SULF1: variants seen among roughly 807,000 people sequenced by gnomAD.
SULF1 encodes the protein extracellular sulfatase Sulf-1.
Under a neutral mutation model 110.5 loss-of-function variants are expected in SULF1, and 46 were observed. The observed-to-expected ratio is 0.42, with a 90% confidence interval of 0.33 to 0.53. SULF1 has a LOEUF of 0.53. Among genes scored for constraint, SULF1 ranks in the 20% least tolerant of loss-of-function variants. The pLI, the probability that SULF1 is intolerant of heterozygous loss-of-function variation, is 0.12. For missense variants in SULF1, 941 were observed against 1,094.2 expected (o/e 0.86, Z 1.98); for synonymous variants, 371 against 387.1 (o/e 0.96, Z 0.49).
At chr8:69,623,917 G>C (rs755910729) in intron 14 of SULF1, 25 bp from the exon 15 acceptor site, 1 of 1,597,466 alleles carries the variant, frequency 6.3e-7, no homozygotes, top group African/African-American at 1.3e-5. Flanking sequence ...GACATCCATA[G>C]TAATGTATCT....
chr8:69,640,148 A>AAGG (rs1365082083), intron 21 of SULF1, among the ~76,000 whole-genome samples: 1 of 151,464 alleles, frequency 6.6e-6, no homozygotes, highest in East Asian at 1.9e-4. Flanking sequence ...GGAAGGAAGG[A>AAGG]AAGAAAGAAA....
At chr8:69,597,537 T>A (rs1482163824) in intron 8 of SULF1, 2 of 152,220 alleles carry the variant, frequency 1.3e-5, no homozygotes, top group Non-Finnish European at 2.9e-5. Context: ...TAAGCCAGAT[T>A]TAACGTATGT....
chr8:69,526,602 A>G (rs1252071038), intron 3 of SULF1, among the ~76,000 whole-genome samples: 2 of 23,652 alleles, frequency 8.5e-5, no homozygotes, highest in Non-Finnish European at 2.1e-4. Flanking sequence ...TCTCTACCAA[A>G]AAAAAAAAAA....
intron 3 of SULF1, among the ~76,000 whole-genome samples, chr8:69,555,518 G>T (rs1815053696): frequency 6.6e-6 from 1 of 152,100 alleles, no homozygotes; most frequent in African/African-American, 2.4e-5. Flanking sequence ...TTAGCCGGGT[G>T]TGGTGGTGCA....
At chr8:69,603,712 C>G in intron 12 of SULF1, 56 bp downstream of exon 12, 2 of 1,178,798 alleles carry the variant, frequency 1.7e-6, no homozygotes, top group Non-Finnish European at 2.5e-6. Flanking sequence ...GCAGCTTTCC[C>G]TGCTGAGTAT....
Position 69,604,808 on chromosome 8 carries a change from T to A in SULF1, c.1253T>A (p.Phe418Tyr), listed in dbSNP as rs1299001048. ...RDTFLVERGKFLRKKEESSKN... is the reference protein window; with the variant it reads ...RDTFLVERGKYLRKKEESSKN... ...CTTTTCCCTTTTTGTCGAAGCAAATTTCTACGTAAGAAGGAAGAATCCAGC... is the reference window on the plus strand; with the variant it reads ...CTTTTCCCTTTTTGTCGAAGCAAATATCTACGTAAGAAGGAAGAATCCAGC... The change falls in exon 13 of 23, where the codon TTT becomes TAT. Residue 418 changes from phenylalanine to tyrosine, a missense_variant. Physicochemically the swap from Phe to Tyr is conservative, Grantham distance 22. This residue lies in a region of SULF1 where 822 missense variants were observed against 934.3 expected (regional missense o/e 0.88). Transcript: ENST00000402687. 1 of 1,613,696 alleles carries A rather than the reference T, an allele frequency of 6.2e-7. No individual in the cohort carries two copies. The highest frequency in any genetic ancestry group is 8.5e-7 in the Non-Finnish European group (1 of 1,179,968).
At chr8:69,591,150 A>G (rs1423788753) in intron 8 of SULF1, among the ~76,000 whole-genome samples, 1 of 152,152 alleles carries the variant, frequency 6.6e-6, no homozygotes, top group Non-Finnish European at 1.5e-5. Context: ...GCCTGCAGGA[A>G]AATCAGCCTC....
rs1810032338 is a variant in SULF1 at position 69,492,943 on chromosome 8, A to C, written c.-573A>C. On this transcript the variant is annotated 5_prime_UTR_variant, in exon 1 of 23. Transcript: ENST00000402687. ...AGGCGCAGAGGCCAGGAGCGAGGGC[A>C]GCGAGGATCAGAGGCCAGGCCTTCC... The C allele has an allele frequency of 6.5e-6, 1 of 152,696 alleles. No homozygotes were observed. The highest frequency in any genetic ancestry group is 2.4e-5 in the African/African-American group (1 of 41,472). 9.5% of individuals were successfully genotyped at this position (152,696 alleles called of 1,614,324 possible).
intron 1 of SULF1, among the ~76,000 whole-genome samples, chr8:69,472,191 G>T (rs1372964631): frequency 6.6e-6 from 1 of 152,134 alleles, no homozygotes; most frequent in Non-Finnish European, 1.5e-5. Flanking sequence ...TGCTGTTGGG[G>T]AACAAAGGAC....
intron 1 of SULF1, among the ~76,000 whole-genome samples, chr8:69,486,095 T>G (rs1809695271): frequency 6.6e-6 from 1 of 152,136 alleles, no homozygotes; most frequent in South Asian, 2.1e-4. Flanking sequence ...TCAGAGTCAC[T>G]CCTCAGCTAA....
intron 3 of SULF1, among the ~76,000 whole-genome samples, chr8:69,545,515 C>T (rs186466910): frequency 3.0e-4 from 46 of 152,282 alleles, no homozygotes; most frequent in African/African-American, 1.0e-3. Context: ...GGGACCTGAG[C>T]TTCTTTTCTC....
intron 13 of SULF1, among the ~76,000 whole-genome samples, chr8:69,620,023 C>A (rs958321566): frequency 6.6e-6 from 1 of 152,142 alleles, no homozygotes; most frequent in Non-Finnish European, 1.5e-5. Flanking sequence ...TCAGGTCACA[C>A]ACGGGCTTGA....
chr8:69,623,209 A>C (rs1404693444), intron 14 of SULF1, among the ~76,000 whole-genome samples: 1 of 151,836 alleles, frequency 6.6e-6, no homozygotes, highest in Non-Finnish European at 1.5e-5. Flanking sequence ...AGCATTAACA[A>C]AATTTAATTC....
intron 3 of SULF1, among the ~76,000 whole-genome samples, chr8:69,515,127 C>T (rs1298810452): frequency 6.6e-6 from 1 of 152,202 alleles, no homozygotes; most frequent in Non-Finnish European, 1.5e-5. Flanking sequence ...TGTGGGGACT[C>T]CAATCCCACA....
rs1811262699 is a variant in SULF1 at position 69,639,002 on chromosome 8, A to C, written c.2551+144A>C. 3 of 856,420 alleles carry C rather than the reference A, an allele frequency of 3.5e-6. No individual in the cohort carries two copies. The Admixed American group carries it at 9.3e-5, about 27-fold the overall frequency. The allele number at this position is 856,420 out of a possible 1,614,324, so 53.1% of individuals were successfully genotyped here. A position where few individuals can be genotyped will look rare whatever the true frequency, so the allele number is the denominator to read the frequency against. On this transcript the variant is annotated intron_variant, in intron 21 of 22. Transcript: ENST00000402687. ...ACACTTTCCAGGCAATTCTAAATAC[A>C]ATTTGATCTCTAAGTTTAGCTCTGG...
At chr8:69,599,493 G>T (rs1232990945) in intron 8 of SULF1, among the ~76,000 whole-genome samples, 1 of 152,116 alleles carries the variant, frequency 6.6e-6, no homozygotes. Flanking sequence ...CCTCAACTTT[G>T]CCAAGGCTTG....
At chr8:69,576,478 T>G (rs937270649) in intron 6 of SULF1, among the ~76,000 whole-genome samples, 1 of 152,258 alleles carries the variant, frequency 6.6e-6, no homozygotes, top group African/African-American at 2.4e-5. Flanking sequence ...TAATAGGATT[T>G]GGAAAGTTTC....
At chr8:69,499,035 T>C (rs1342095393) in intron 2 of SULF1, among the ~76,000 whole-genome samples, 2 of 152,104 alleles carry the variant, frequency 1.3e-5, no homozygotes, top group Non-Finnish European at 2.9e-5. Context: ...ATTTTTGTAT[T>C]TTTAGTAGAG....
chr8:69,608,507 GA>G (rs1303464188), intron 13 of SULF1, among the ~76,000 whole-genome samples: 2 of 152,124 alleles, frequency 1.3e-5, no homozygotes, highest in Non-Finnish European at 2.9e-5. Context: ...TAGTCATAGT[GA>G]AACCCCATCT....
Sources: allele counts gnomAD v4.1 joint callset (sites outside exome capture counted in the v4.1 genomes callset), GRCh38; gene constraint gnomAD v4.1.1; regional missense constraint gnomAD v4.1.1; transcripts MANE v1.5; gene names NCBI Gene and HGNC (gene_info 2026-07-23, HGNC 2026-07-21).